The following STPG2 variants were observed in gnomAD, a reference collection of about 807,000 sequenced individuals.
STPG2 encodes sperm tail PG-rich repeat containing 2.
Under a neutral mutation model 54.2 loss-of-function variants are expected in STPG2, and 56 were observed. That is an observed-to-expected ratio of 1.03 (90% CI 0.83 to 1.29). The LOEUF is 1.29. STPG2 is among the 50% of genes most tolerant of loss of function. STPG2 has a pLI of 0.00. For synonymous variants in STPG2, 200 were observed against 181.8 expected (o/e 1.10, Z -0.81); for missense variants, 596 against 544.9 (o/e 1.09, Z -0.93).
chr4:97,866,472 T>C (rs140953881), intron 8 of STPG2, among the ~76,000 whole-genome samples: 45 of 152,060 alleles, frequency 3.0e-4, no homozygotes, highest in African/African-American at 1.0e-3. Context: ...TCCTTCTTAA[T>C]GAAGTATATT....
chr4:97,545,617 C>T (rs905985474), intron 4 of STPG2, among the ~76,000 whole-genome samples: 15 of 152,044 alleles, frequency 9.9e-5, no homozygotes, highest in Non-Finnish European at 1.6e-4. Flanking sequence ...GGACCCAGAA[C>T]TGTGTATCTC....
chr4:97,874,449 ACAAT>A (rs1379371083), intron 8 of STPG2, among the ~76,000 whole-genome samples: 2 of 151,782 alleles, frequency 1.3e-5, no homozygotes, highest in African/African-American at 4.8e-5. Flanking sequence ...AACAATCACA[ACAAT>A]CAAACAATAA....
rs1217592644 is a variant in STPG2, at chr4:97,901,802, T to TA, written c.1044+42094dup. ...AATTTCACGACATTTTTCACAGAAA[T>TA]AAAAAAAATCCTAAAATTCATATGG... On this transcript the variant is annotated intron_variant, in intron 8 of 10. Transcript: ENST00000295268. Among the ~76,000 whole-genome samples, 6 of 151,240 alleles carry TA rather than the reference T, an allele frequency of 4.0e-5. No homozygotes were observed. The South Asian group carries it at 6.2e-4, about 16-fold the overall frequency.
At chr4:97,568,489 T>C (rs1017982046) in intron 10 of STPG2, among the ~76,000 whole-genome samples, 2 of 152,074 alleles carry the variant, frequency 1.3e-5, no homozygotes, top group Non-Finnish European at 2.9e-5. Flanking sequence ...TATGTGTGTG[T>C]GTGTCTCTCT....
At chr4:97,769,723 ATGTC>A (rs1295196787) in intron 9 of STPG2, among the ~76,000 whole-genome samples, 1 of 152,116 alleles carries the variant, frequency 6.6e-6, no homozygotes, top group Admixed American at 6.6e-5. Flanking sequence ...AAACATATAT[ATGTC>A]TGTATATATA....
At chr4:97,562,150 C>T (rs1467074502) in intron 10 of STPG2, among the ~76,000 whole-genome samples, 1 of 152,070 alleles carries the variant, frequency 6.6e-6, no homozygotes, top group East Asian at 1.9e-4. Flanking sequence ...TTGAAGAGGT[C>T]CTTCACGTCC....
chr4:97,695,031 AC>A (rs756947404), intron 10 of STPG2, among the ~76,000 whole-genome samples: 30 of 151,404 alleles, frequency 2.0e-4, no homozygotes, highest in Non-Finnish European at 3.8e-4. Context: ...AAAGGACATA[AC>A]AAAAAGAGAA....
chr4:98,002,380 T>C (rs1735438196), intron 5 of STPG2, among the ~76,000 whole-genome samples: 1 of 152,074 alleles, frequency 6.6e-6, no homozygotes, highest in African/African-American at 2.4e-5. Context: ...AACTTCCTAT[T>C]ATATTCACAA....
intron 8 of STPG2, among the ~76,000 whole-genome samples, chr4:97,939,955 T>C (rs374385774): frequency 1.3e-5 from 2 of 152,214 alleles, no homozygotes; most frequent in Admixed American, 1.3e-4. Flanking sequence ...TTCCTTTCTA[T>C]ACATGGAGCT....
At chr4:97,718,326 CTA>C (rs1724353061) in intron 9 of STPG2, among the ~76,000 whole-genome samples, 2 of 151,948 alleles carry the variant, frequency 1.3e-5, no homozygotes, top group Admixed American at 1.3e-4. Flanking sequence ...TAAATTGTGA[CTA>C]TTTTCCATTT....
At chr4:97,859,646 G>A (rs1050568698) in intron 8 of STPG2, among the ~76,000 whole-genome samples, 2 of 151,900 alleles carry the variant, frequency 1.3e-5, no homozygotes, top group African/African-American at 2.4e-5. Context: ...TGTATTTTTA[G>A]TAGAGATGGG....
intron 10 of STPG2, among the ~76,000 whole-genome samples, chr4:97,621,761 T>A (rs895319781): frequency 1.3e-5 from 2 of 152,176 alleles, no homozygotes; most frequent in African/African-American, 2.4e-5. Context: ...GAGGGACTCC[T>A]CTCTAACTCA....
chr4:97,844,434 T>C (rs1404934960), intron 8 of STPG2, among the ~76,000 whole-genome samples: 2 of 152,124 alleles, frequency 1.3e-5, no homozygotes, highest in African/African-American at 4.8e-5. Flanking sequence ...TTTTGAATAA[T>C]AGTTTTACTA....
Position 97,883,360 on chromosome 4 carries a change from C to G in STPG2, c.1045-42428G>C, listed in dbSNP as rs1014075288. On this transcript the variant is annotated intron_variant, in intron 8 of 10. Transcript: ENST00000295268. ...CAGTGATTGTGGCAGTACACTCCAG[C>G]CTAAGTGACAGAGCAAGACCTTGTC... Among the ~76,000 whole-genome samples the G allele has an allele frequency of 2.6e-5, 4 of 151,090 alleles. No homozygotes were observed. In the East Asian group the frequency reaches 5.8e-4, roughly 22 times the overall value.
chr4:97,715,898 T>A lies in STPG2; in HGVS notation c.1205-3084A>T, dbSNP rs189233454. Among the ~76,000 whole-genome samples, 18 of 152,136 alleles carry A rather than the reference T, an allele frequency of 1.2e-4. No homozygotes were observed. The East Asian group carries it at 3.5e-3, about 30-fold the overall frequency. ...ACAGCAAAAGTAACTATTATCAGAG[T>A]GAACAGGCAACCTACAGAATTAGAG... is the stretch of plus-strand genomic sequence containing the variant. On this transcript the variant is annotated intron_variant, in intron 9 of 10. Transcript: ENST00000295268.
intron 9 of STPG2, among the ~76,000 whole-genome samples, chr4:97,813,677 TAAAAAAAAAAAAAAAAAAAAA>T (rs869298230): frequency 4.4e-5 from 2 of 45,930 alleles, no homozygotes; most frequent in African/African-American, 1.6e-4. Flanking sequence ...CCCTGTCTCT[TAAAAAAAAAAAAAAAAAAAAA>T]AAAAAAAAAA....
intron 9 of STPG2, among the ~76,000 whole-genome samples, chr4:97,721,993 C>T (rs541866827): frequency 2.0e-5 from 3 of 150,674 alleles, no homozygotes; most frequent in Non-Finnish European, 4.4e-5. Flanking sequence ...ATGTTGCCTA[C>T]AAAAATTTTT....
intron 9 of STPG2, among the ~76,000 whole-genome samples, chr4:97,835,760 C>G (rs1728613755): frequency 6.6e-6 from 1 of 152,074 alleles, no homozygotes; most frequent in African/African-American, 2.4e-5. Flanking sequence ...TTAGAACATT[C>G]ATGATTCATG....
rs1054408483 is a variant in STPG2, at chr4:97,738,995, G to C, written c.1205-26181C>G. 1.3e-5 allele frequency among the ~76,000 whole-genome samples: 2 copies of C among 152,032 alleles called. 1 individual carries two copies. ...TCTCCTCAGCAAATGTAAAAGAACA[G>C]AAATTATAGCAAACTATCTCTCAGA... On this transcript the variant is annotated intron_variant, in intron 9 of 10. Transcript: ENST00000295268.
Sources: gnomAD v4.1 joint callset for allele counts (sites outside exome capture counted in the v4.1 genomes callset) on GRCh38, gnomAD v4.1.1 for gene constraint, MANE v1.5 for transcripts, NCBI Gene and HGNC (gene_info 2026-07-23, HGNC 2026-07-21) for gene names.